Variants in TOMM5 observed in about 807,000 individuals in gnomAD.
TOMM5 encodes translocase of outer mitochondrial membrane 5.
TOMM5 carries 1 observed loss-of-function variant against 4.8 expected under a neutral mutation model. That is an observed-to-expected ratio of 0.21 (90% CI 0.07 to 0.99). The LOEUF (loss-of-function observed/expected upper bound fraction) is 0.99, where lower values mean the gene tolerates loss of function less well. Among genes scored for constraint, TOMM5 ranks in the 50% least tolerant of loss-of-function variants. The probability of loss-of-function intolerance (pLI) is 0.60; values close to 1 mark genes in which losing one functional copy is unlikely to be tolerated. For missense variants in TOMM5, 60 were observed against 66.6 expected (o/e 0.90, Z 0.35); for synonymous variants, 26 against 26.7 (o/e 0.97, Z 0.08).
At chr9:37,591,690 T>G (rs1337324342) in intron 1 of TOMM5, among the ~76,000 whole-genome samples, 2 of 107,196 alleles carry the variant, frequency 1.9e-5, no homozygotes, top group African/African-American at 4.3e-5. Context: ...TGACTGTGTA[T>G]CGAGGAAAAA....
chr9:37,589,362 C>T (rs1823065323), intron 1 of TOMM5, among the ~76,000 whole-genome samples: 1 of 152,212 alleles, frequency 6.6e-6, no homozygotes, highest in Non-Finnish European at 1.5e-5. Context: ...AAGAGCTGGA[C>T]ACCTATTTTG....
rs760037522 is a variant in TOMM5, at chr9:37,592,549, C to G, written c.-17G>C. On this transcript the variant is annotated 5_prime_UTR_variant, in exon 1 of 2. Coordinates refer to ENST00000321301, the MANE Select transcript of TOMM5 (RefSeq NM_001001790.3). ...CCGGAACATCGCGGCTCTGACTTAGCAGCTTCCAGCCGCCGCGCTCTGCTC... is the reference window on the plus strand; with the variant it reads ...CCGGAACATCGCGGCTCTGACTTAGGAGCTTCCAGCCGCCGCGCTCTGCTC... 6.2e-7 allele frequency: 1 copy of G among 1,607,252 alleles called. No individual in the cohort carries two copies. Among genetic ancestry groups the G allele is most frequent in the Non-Finnish European group, 8.5e-7 (1 of 1,176,032 alleles).
Position 37,588,633 on chromosome 9 carries a change from T to C in TOMM5, c.*265A>G. The C allele has an allele frequency of 1.6e-6, 1 of 607,206 alleles. No homozygotes were observed. The highest frequency in any genetic ancestry group is 1.8e-5 in the African/African-American group (1 of 54,466). The allele number at this position is 607,206 out of a possible 1,614,324, so 37.6% of individuals were successfully genotyped here. A position where few individuals can be genotyped will look rare whatever the true frequency, so the allele number is the denominator to read the frequency against. The stretch of plus-strand genomic sequence containing the variant: ...GCTAGAAAACGGAGTTTGACATTAT[T>C]TACAATTATACCAGTATTGTCAGAG... On this transcript the variant is annotated 3_prime_UTR_variant, in exon 2 of 2. Transcript: ENST00000321301.
intron 1 of TOMM5, among the ~76,000 whole-genome samples, chr9:37,590,647 GAA>G (rs900569375): frequency 5.3e-5 from 8 of 152,064 alleles, no homozygotes; most frequent in African/African-American, 1.9e-4. Flanking sequence ...ACTTAAAAGT[GAA>G]AATAAACAAT....
At position 37,592,497 on chromosome 9, in the gene TOMM5, G is replaced by A. The variant is rs1303141933; in HGVS notation, c.36C>T (p.Asp12=). Residue 12 remains aspartate (D), a synonymous_variant, in exon 1 of 2, where the codon GAC becomes GAT. Transcript: ENST00000321301. ...GCATCTTCCGTTTCATCTCCTCCGGGTCCAGCTTCGGCGCGAGGCCCTCAA... is the reference window on the plus strand; with the variant it reads ...GCATCTTCCGTTTCATCTCCTCCGGATCCAGCTTCGGCGCGAGGCCCTCAA... ...FRIEGLAPKL[D]PEEMKRKMRE... 1 of 1,613,922 alleles carries A rather than the reference G, an allele frequency of 6.2e-7. No homozygotes were observed. Among genetic ancestry groups the A allele is most frequent in the African/African-American group, 1.3e-5 (1 of 75,040 alleles).
At chr9:37,592,314 C>A in intron 1 of TOMM5, 98 bp downstream of exon 1, 1 of 1,586,850 alleles carries the variant, frequency 6.3e-7, no homozygotes, top group Non-Finnish European at 8.6e-7. Flanking sequence ...CGCTACCGTT[C>A]AGCTCAGTTC....
At chr9:37,589,526 A>T (rs1439632699) in intron 1 of TOMM5, among the ~76,000 whole-genome samples, 1 of 152,130 alleles carries the variant, frequency 6.6e-6, no homozygotes, top group Non-Finnish European at 1.5e-5. Context: ...AAGTGATATT[A>T]CTGTCCTGTG....
chr9:37,589,946 A>C (rs558823726), intron 1 of TOMM5, among the ~76,000 whole-genome samples: 1 of 152,368 alleles, frequency 6.6e-6, no homozygotes, highest in African/African-American at 2.4e-5. Context: ...TCAATGGATA[A>C]GCAAAATGTG....
At chr9:37,589,940 T>C (rs2119233922) in intron 1 of TOMM5, among the ~76,000 whole-genome samples, 1 of 152,350 alleles carries the variant, frequency 6.6e-6, no homozygotes, top group East Asian at 1.9e-4. Context: ...AAATGATCAA[T>C]GGATAAGCAA....
At chr9:37,589,916 G>GA (rs1823075162) in intron 1 of TOMM5, among the ~76,000 whole-genome samples, 1 of 152,068 alleles carries the variant, frequency 6.6e-6, no homozygotes, top group Non-Finnish European at 1.5e-5. Context: ...CTTAACGACA[G>GA]AAAAAAATCC....
chr9:37,590,750 T>C (rs962702800), intron 1 of TOMM5, among the ~76,000 whole-genome samples: 2 of 151,990 alleles, frequency 1.3e-5, no homozygotes, highest in African/African-American at 4.8e-5. Context: ...AATAAGTAAA[T>C]TTGGGAGTTG....
chr9:37,590,485 G>A (rs1823083484), intron 1 of TOMM5, among the ~76,000 whole-genome samples: 1 of 152,134 alleles, frequency 6.6e-6, no homozygotes, highest in Admixed American at 6.6e-5. Flanking sequence ...TGGAGAAAAG[G>A]GGGAAATGGG....
intron 1 of TOMM5, among the ~76,000 whole-genome samples, chr9:37,589,291 C>T (rs1039436804): frequency 5.3e-5 from 8 of 152,224 alleles, no homozygotes; most frequent in African/African-American, 1.9e-4. Flanking sequence ...GGGCATTTTT[C>T]ACCTTTAAAA....
chr9:37,589,833 T>C (rs1013301187), intron 1 of TOMM5, among the ~76,000 whole-genome samples: 1 of 152,186 alleles, frequency 6.6e-6, no homozygotes, highest in African/African-American at 2.4e-5. Flanking sequence ...AATTTCTTAA[T>C]ATTAAACTGA....
intron 1 of TOMM5, among the ~76,000 whole-genome samples, chr9:37,591,061 T>C (rs1298095192): frequency 6.6e-6 from 1 of 152,214 alleles, no homozygotes; most frequent in Non-Finnish European, 1.5e-5. Flanking sequence ...GAACTGATCA[T>C]AAAGCTGCTT....
intron 1 of TOMM5, among the ~76,000 whole-genome samples, chr9:37,591,049 G>A (rs1823091949): frequency 6.6e-6 from 1 of 152,172 alleles, no homozygotes. Flanking sequence ...CAGGGCATTC[G>A]AGAACTGATC....
intron 1 of TOMM5, among the ~76,000 whole-genome samples, chr9:37,590,872 T>A (rs191978662): frequency 1.6e-4 from 25 of 152,316 alleles, no homozygotes; most frequent in Admixed American, 9.1e-4. Context: ...ATAAGGGACA[T>A]CTCAGTATCA....
chr9:37,588,665 C>A lies in TOMM5; in HGVS notation c.*233G>T, dbSNP rs894944278. The A allele has an allele frequency of 4.4e-6, 3 of 675,370 alleles. No homozygotes were observed. Among genetic ancestry groups the A allele is most frequent in the Admixed American group, 2.1e-5 (1 of 48,258 alleles). The allele number at this position is 675,370 out of a possible 1,614,324, so 41.8% of individuals were successfully genotyped here. A position where few individuals can be genotyped will look rare whatever the true frequency, so the allele number is the denominator to read the frequency against. On this transcript the variant is annotated 3_prime_UTR_variant, in exon 2 of 2. Coordinates refer to ENST00000321301, the MANE Select transcript of TOMM5 (RefSeq NM_001001790.3). Reference sequence around the variant, plus strand: ...TATACCAGTATTGTCAGAGGCCAAACGTCACAGGGATAAGGGTACACCAGA... The same window carrying A: ...TATACCAGTATTGTCAGAGGCCAAAAGTCACAGGGATAAGGGTACACCAGA...
chr9:37,592,137 G>C, intron 1 of TOMM5: 1 of 1,304,396 alleles, frequency 7.7e-7, no homozygotes, highest in African/African-American at 1.5e-5. Flanking sequence ...GGGATTACAG[G>C]TGTGAGCCAA....
Sources: gnomAD v4.1 joint callset for allele counts (sites outside exome capture counted in the v4.1 genomes callset) on GRCh38, gnomAD v4.1.1 for gene constraint, MANE v1.5 for transcripts, NCBI Gene and HGNC (gene_info 2026-07-23, HGNC 2026-07-21) for gene names.